Variants in TTC6 observed in about 807,000 individuals in gnomAD.
TTC6 encodes tetratricopeptide repeat protein 6.
A neutral mutation model predicts 210.4 loss-of-function variants in TTC6; 172 were observed. The observed-to-expected ratio is 0.82, with a 90% confidence interval of 0.72 to 0.93. The LOEUF is 0.93. TTC6 is among the 40% of genes least tolerant of loss of function. The pLI is 0.00. For missense variants in TTC6, 2,414 were observed against 2,318.1 expected, an observed-to-expected ratio of 1.04 and a Z score of -0.85; for synonymous variants, 804 against 819.6, an observed-to-expected ratio of 0.98 and a Z score of 0.32.
At chr14:37,783,819 T>C (rs1048437227) in intron 14 of TTC6, among the ~76,000 whole-genome samples, 2 of 152,232 alleles carry the variant, frequency 1.3e-5, no homozygotes, top group Admixed American at 1.3e-4. Context: ...CCAGAGATTC[T>C]GGGATTTTGT....
intron 1 of TTC6, among the ~76,000 whole-genome samples, chr14:37,671,059 GA>G (rs2095757253): frequency 6.6e-6 from 1 of 152,058 alleles, no homozygotes; most frequent in South Asian, 2.1e-4. Flanking sequence ...GTGAATCTAG[GA>G]GCAACTTATC....
At chr14:37,818,338 A>G (rs2096147181) in intron 26 of TTC6, among the ~76,000 whole-genome samples, 1 of 152,160 alleles carries the variant, frequency 6.6e-6, no homozygotes. Flanking sequence ...ATGTTTCTAC[A>G]TATATATTTT....
chr14:37,804,538 C>T, intron 20 of TTC6, 142 bp from the exon 23 acceptor site: 1 of 1,129,684 alleles, frequency 8.9e-7, no homozygotes, highest in Non-Finnish European at 1.3e-6. Flanking sequence ...AGACCTGTAA[C>T]TTCACCAGGT....
chr14:37,772,154 T>G (rs1004705648), intron 14 of TTC6, among the ~76,000 whole-genome samples: 1 of 152,218 alleles, frequency 6.6e-6, no homozygotes, highest in Middle Eastern at 3.2e-3. Context: ...GGAGGCAGTC[T>G]GCCCGTTCTC....
chr14:37,791,370 A>G (rs750612647), intron 16 of TTC6, among the ~76,000 whole-genome samples: 2 of 152,204 alleles, frequency 1.3e-5, no homozygotes, highest in Non-Finnish European at 2.9e-5. Flanking sequence ...CACTAGTCAG[A>G]AAGTCAAACT....
At chr14:37,780,471 G>A (rs889062912) in intron 14 of TTC6, among the ~76,000 whole-genome samples, 1 of 152,038 alleles carries the variant, frequency 6.6e-6, no homozygotes, top group African/African-American at 2.4e-5. Flanking sequence ...TCATCATTCA[G>A]CTCCCATTTA....
At chr14:37,780,401 C>T (rs922471594) in intron 14 of TTC6, among the ~76,000 whole-genome samples, 4 of 152,222 alleles carry the variant, frequency 2.6e-5, no homozygotes, top group Admixed American at 2.0e-4. Flanking sequence ...TATCCCTCCC[C>T]TCACCCCTCT....
Position 37,760,117 on chromosome 14 carries a change from C to T in TTC6, c.3266+6882C>T, listed in dbSNP as rs144902411. On this transcript the variant is annotated intron_variant, in intron 14 of 30. Coordinates refer to ENST00000553443, the Ensembl canonical transcript of TTC6. ...AATTTTCAGCTTTTTTGCACTGGTT[C>T]TTCCTCATGTTCGTGGATTTATCTA... is the stretch of plus-strand genomic sequence containing the variant. Among the ~76,000 whole-genome samples, 1,283 of 152,312 alleles carry T rather than the reference C, an allele frequency of 8.4e-3. 29 individuals carry two copies. The highest frequency in any genetic ancestry group is 0.029 in the African/African-American group (1,218 of 41,562).
intron 24 of TTC6, 143 bp downstream of exon 26, chr14:37,808,989 T>C: frequency 2.4e-6 from 1 of 423,626 alleles, no homozygotes. Flanking sequence ...ATTTATAAAG[T>C]ATTTTCTTAT....
chr14:37,635,382 C>T (rs919564674), intron 1 of TTC6, among the ~76,000 whole-genome samples: 4 of 151,918 alleles, frequency 2.6e-5, no homozygotes, highest in African/African-American at 7.3e-5. Flanking sequence ...TGTTGTTACC[C>T]ATAGGAAGGC....
At chr14:37,668,112 G>A (rs1057195642) in intron 1 of TTC6, among the ~76,000 whole-genome samples, 1 of 149,932 alleles carries the variant, frequency 6.7e-6, no homozygotes, top group Admixed American at 6.6e-5. Context: ...ACCAGCCTGG[G>A]CGACAGTGTG....
chr14:37,685,698 A>G (rs2095792327), intron 3 of TTC6, among the ~76,000 whole-genome samples: 1 of 152,196 alleles, frequency 6.6e-6, no homozygotes, highest in South Asian at 2.1e-4. Flanking sequence ...TTTGTAAAAG[A>G]TTTTAAGAGT....
chr14:37,687,613 G>C (rs1026664331), intron 3 of TTC6, among the ~76,000 whole-genome samples: 1 of 152,118 alleles, frequency 6.6e-6, no homozygotes, highest in Non-Finnish European at 1.5e-5. Context: ...GAGTGGGGAA[G>C]ACTTTGTTTT....
intron 3 of TTC6, among the ~76,000 whole-genome samples, chr14:37,686,734 G>C (rs1292030450): frequency 6.6e-6 from 1 of 152,132 alleles, no homozygotes; most frequent in Non-Finnish European, 1.5e-5. Context: ...GAAACCATCA[G>C]ATGTTGTGAG....
chr14:37,661,988 G>A (rs1042768327), intron 1 of TTC6, among the ~76,000 whole-genome samples: 3 of 152,158 alleles, frequency 2.0e-5, no homozygotes, highest in Non-Finnish European at 4.4e-5. Context: ...TGGTGTACAG[G>A]AATGCTAGCA....
chr14:37,693,341 T>G (rs1460826325), intron 3 of TTC6, among the ~76,000 whole-genome samples: 1 of 152,050 alleles, frequency 6.6e-6, no homozygotes, highest in Non-Finnish European at 1.5e-5. Context: ...TAATAAAAAC[T>G]ATAAAACACT....
chr14:37,629,892 T>C (rs2095666420), intron 1 of TTC6, among the ~76,000 whole-genome samples: 1 of 152,190 alleles, frequency 6.6e-6, no homozygotes, highest in African/African-American at 2.4e-5. Flanking sequence ...TGGTTCTGTT[T>C]ATGTGATGAA....
At chr14:37,656,532 T>TGTGTGTGTGC (rs1320673370) in intron 1 of TTC6, among the ~76,000 whole-genome samples, 1 of 151,580 alleles carries the variant, frequency 6.6e-6, no homozygotes, top group Non-Finnish European at 1.5e-5. Context: ...TGTGTGTGTG[T>TGTGTGTGTGC]GTGTGTGTGC....
chr14:37,773,672 G>A (rs1040796516), intron 14 of TTC6, among the ~76,000 whole-genome samples: 1 of 152,234 alleles, frequency 6.6e-6, no homozygotes, highest in Middle Eastern at 3.4e-3. Context: ...TTGTAGTATA[G>A]TTTCAAAATG....
Sources: allele counts gnomAD v4.1 joint callset (sites outside exome capture counted in the v4.1 genomes callset), GRCh38; gene constraint gnomAD v4.1.1; transcripts MANE v1.5; gene names NCBI Gene and HGNC (gene_info 2026-07-23, HGNC 2026-07-21).